PMM2: variants seen among roughly 807,000 people sequenced by gnomAD.
PMM2 encodes the protein mannose-6-phosphate isomerase.
In PMM2, 35 loss-of-function variants were observed where a neutral mutation model predicts 33.2. That is an observed-to-expected ratio of 1.06 (90% CI 0.81 to 1.40). PMM2 has a LOEUF of 1.40. Among genes scored for constraint, PMM2 ranks in the 40% most tolerant of loss-of-function variants. The pLI is 0.00. For synonymous variants in PMM2, 153 were observed against 114.7 expected (o/e 1.33, Z -2.13); for missense variants, 386 against 306.0 (o/e 1.26, Z -1.95).
At chr16:8,807,843 A>T (rs1179863666) in intron 4 of PMM2, 1 of 152,184 alleles carries the variant, frequency 6.6e-6, no homozygotes, top group East Asian at 1.9e-4. Context: ...GGGTACAATT[A>T]TCTCAGTTCC....
At chr16:8,818,973 G>A (rs1170610388) in intron 7 of PMM2, among the ~76,000 whole-genome samples, 1 of 152,166 alleles carries the variant, frequency 6.6e-6, no homozygotes, top group Non-Finnish European at 1.5e-5. Flanking sequence ...CTCTGAATTC[G>A]CAGGCAAGAG....
chr16:8,806,235 C>A (rs1032764841), intron 3 of PMM2, 81 bp from the exon 4 acceptor site: 1 of 874,168 alleles, frequency 1.1e-6, no homozygotes. Context: ...GCAATCGTGG[C>A]TGAAGACCCT....
At chr16:8,841,452 G>A (rs1383537814) in intron 7 of PMM2, among the ~76,000 whole-genome samples, 1 of 142,688 alleles carries the variant, frequency 7.0e-6, no homozygotes, top group African/African-American at 2.6e-5. Context: ...CCAGTCCTGG[G>A]TGGGGGCAAA....
At chr16:8,832,523 A>G (rs2060816840) in intron 7 of PMM2, 3 of 985,290 alleles carry the variant, frequency 3.0e-6, no homozygotes, top group South Asian at 4.7e-5. Context: ...TGACATCTGC[A>G]GGGAAGGGCA....
chr16:8,832,098 G>C (rs1043687585), intron 7 of PMM2: 1 of 972,064 alleles, frequency 1.0e-6, no homozygotes, highest in East Asian at 1.1e-4. Flanking sequence ...TTTCATTTGG[G>C]GTCCGCTTCA....
At chr16:8,798,763 C>T (rs758359284) in intron 1 of PMM2, among the ~76,000 whole-genome samples, 3 of 152,134 alleles carry the variant, frequency 2.0e-5, no homozygotes, top group Non-Finnish European at 4.4e-5. Context: ...CAGAAATTGG[C>T]CACTGAACAC....
intron 3 of PMM2, among the ~76,000 whole-genome samples, chr16:8,805,279 G>A (rs996695781): frequency 1.3e-5 from 2 of 152,098 alleles, no homozygotes; most frequent in Admixed American, 6.5e-5. Context: ...TGTTGGCCAG[G>A]CTGATCTCTA....
At chr16:8,847,623 T>G in intron 7 of PMM2, 101 bp from the exon 8 acceptor site, 2 of 831,410 alleles carry the variant, frequency 2.4e-6, no homozygotes, top group South Asian at 2.7e-5. Context: ...CCCTGCCCAG[T>G]TAAATCTTGT....
At chr16:8,801,723 T>G in intron 1 of PMM2, 76 bp from the exon 2 acceptor site, 1 of 921,194 alleles carries the variant, frequency 1.1e-6, no homozygotes, top group Non-Finnish European at 1.7e-6. Flanking sequence ...CTTATGTACT[T>G]GTGTTACCCT....
At chr16:8,827,382 T>TTTTTTA (rs1328685041) in intron 7 of PMM2, among the ~76,000 whole-genome samples, 1 of 151,358 alleles carries the variant, frequency 6.6e-6, no homozygotes, top group Non-Finnish European at 1.5e-5. Context: ...TTTTTTTTAT[T>TTTTTTA]TTTTTATTTT....
At position 8,847,386 on chromosome 16, in the gene PMM2, A is replaced by AAG. The variant is rs1286540480; in HGVS notation, c.640-337_640-336insGA. ...AAAGCGTAGGTACAGCTAAAAAAAA[A>AAG]AAAAAAACTGATGGCTGTGAGAATA... On this transcript the variant is annotated intron_variant, in intron 7 of 7. Transcript: ENST00000268261. Among the ~76,000 whole-genome samples, 3 of 151,578 alleles carry AAG rather than the reference A, an allele frequency of 2.0e-5. No homozygotes were observed. In the East Asian group the frequency reaches 5.8e-4, roughly 29 times the overall value.
At chr16:8,815,035 TTA>T (rs1491387833) in intron 7 of PMM2, among the ~76,000 whole-genome samples, 1 of 152,154 alleles carries the variant, frequency 6.6e-6, no homozygotes, top group East Asian at 1.9e-4. Flanking sequence ...TTTTCTCTGC[TTA>T]TATGACTTTA....
intron 2 of PMM2, among the ~76,000 whole-genome samples, chr16:8,804,037 T>TTTTTTTTG (rs1567157588): frequency 1.1e-4 from 13 of 114,764 alleles, no homozygotes; most frequent in East Asian, 2.6e-4. Flanking sequence ...TTTTGTTTTT[T>TTTTTTTTG]TTTTTTTTTT....
intron 7 of PMM2, among the ~76,000 whole-genome samples, chr16:8,844,531 C>T (rs889261392): frequency 9.9e-5 from 15 of 152,004 alleles, no homozygotes; most frequent in East Asian, 3.9e-4. Context: ...GGTAGAGACA[C>T]GGAAAGAAGG....
chr16:8,819,044 G>C (rs556148831), intron 7 of PMM2, among the ~76,000 whole-genome samples: 2 of 152,350 alleles, frequency 1.3e-5, no homozygotes, highest in African/African-American at 4.8e-5. Context: ...GTTGCAACAT[G>C]AAAACATTCT....
At chr16:8,804,957 C>T (rs929319108) in intron 3 of PMM2, 114 bp downstream of exon 3, 2 of 712,434 alleles carry the variant, frequency 2.8e-6, no homozygotes, top group African/African-American at 1.8e-5. Flanking sequence ...AATCTTTACT[C>T]TGTATTTTTT....
chr16:8,826,106 T>C (rs374661202), intron 7 of PMM2, among the ~76,000 whole-genome samples: 11 of 152,358 alleles, frequency 7.2e-5, no homozygotes, highest in African/African-American at 2.6e-4. Context: ...TGCATCAGTA[T>C]GCTTTTAATA....
At chr16:8,814,122 C>T (rs916327616) in intron 7 of PMM2, among the ~76,000 whole-genome samples, 4 of 151,974 alleles carry the variant, frequency 2.6e-5, no homozygotes, top group African/African-American at 7.3e-5. Context: ...TCAACTCGGC[C>T]GCTCAAAGTT....
At chr16:8,836,516 T>A (rs572340595) in intron 7 of PMM2, among the ~76,000 whole-genome samples, 8 of 152,048 alleles carry the variant, frequency 5.3e-5, no homozygotes, top group African/African-American at 1.9e-4. Flanking sequence ...AACGCCTGGC[T>A]GCTGCGGTTC....
Sources: allele counts gnomAD v4.1 joint callset (sites outside exome capture counted in the v4.1 genomes callset), GRCh38; gene constraint gnomAD v4.1.1; transcripts MANE v1.5; gene names NCBI Gene and HGNC (gene_info 2026-07-23, HGNC 2026-07-21).